EPB41L4A: variants seen among roughly 807,000 people sequenced by gnomAD.
EPB41L4A encodes the protein band 4.1-like protein 4A.
EPB41L4A carries 100 observed loss-of-function variants against 108.6 expected under a neutral mutation model. The observed-to-expected ratio is 0.92, with a 90% CI of 0.78 to 1.09. The LOEUF (loss-of-function observed/expected upper bound fraction) is 1.09. Ranked by LOEUF, EPB41L4A falls within the 50% of genes least tolerant of loss-of-function variation. The pLI, the probability that EPB41L4A is intolerant of heterozygous loss-of-function variation, is 0.00. For missense variants in EPB41L4A, 1,030 were observed against 842.7 expected, an observed-to-expected ratio of 1.22 and a Z score of -2.75; for synonymous variants, 319 against 289.0, an observed-to-expected ratio of 1.10 and a Z score of -1.05.
At chr5:112,397,090 C>T (rs565868532) in intron 1 of EPB41L4A, among the ~76,000 whole-genome samples, 1 of 152,246 alleles carries the variant, frequency 6.6e-6, no homozygotes, top group South Asian at 2.1e-4. Flanking sequence ...CCCCTTTCTA[C>T]GCTTCCCTCT....
At chr5:112,196,074 T>C (rs1203054776) in intron 15 of EPB41L4A, among the ~76,000 whole-genome samples, 1 of 152,076 alleles carries the variant, frequency 6.6e-6, no homozygotes, top group Non-Finnish European at 1.5e-5. Flanking sequence ...ATTCTCTTTA[T>C]CTCTTCTCTC....
rs1022710696 is a variant in EPB41L4A, at chr5:112,327,442, G to A, written c.100-19952C>T. 5.9e-5 allele frequency among the ~76,000 whole-genome samples: 9 copies of A among 152,176 alleles called. No individual in the cohort carries two copies. The South Asian group carries it at 1.2e-3, about 21-fold the overall frequency. On this transcript the variant is annotated intron_variant, in intron 1 of 22. Coordinates refer to ENST00000261486, the MANE Select transcript of EPB41L4A (RefSeq NM_022140.5). ...GTAAGAATTGCAACTTAGACTGGGT[G>A]CAGTGGCTCACACCTGTAATCCCAG...
At chr5:112,391,604 A>G (rs1760946642) in intron 1 of EPB41L4A, among the ~76,000 whole-genome samples, 2 of 152,228 alleles carry the variant, frequency 1.3e-5, no homozygotes, top group Admixed American at 1.3e-4. Flanking sequence ...TCTACGTCTG[A>G]TTGGTATACC....
chr5:112,330,750 T>C (rs1489300714), intron 1 of EPB41L4A, among the ~76,000 whole-genome samples: 2 of 151,526 alleles, frequency 1.3e-5, no homozygotes, highest in African/African-American at 4.8e-5. Flanking sequence ...ATCTTTGGTA[T>C]AGGTTTAAAA....
rs1048178453 is a variant in EPB41L4A at position 112,282,882 on chromosome 5, AT to A, written c.205-2560del. ...ATCATCCCAAAAGACAACCTTTGTA[AT>A]TTTTTTTCAGATTTTTTGATTCATT... On this transcript the variant is annotated intron_variant, in intron 2 of 22. Coordinates refer to ENST00000261486, the MANE Select transcript of EPB41L4A (RefSeq NM_022140.5). Among the ~76,000 whole-genome samples, 31 of 151,662 alleles carry A rather than the reference AT, an allele frequency of 2.0e-4. No homozygotes were observed. In the East Asian group the frequency reaches 2.5e-3, roughly 12 times the overall value.
At chr5:112,305,040 A>G (rs1754598286) in intron 2 of EPB41L4A, among the ~76,000 whole-genome samples, 1 of 152,140 alleles carries the variant, frequency 6.6e-6, no homozygotes, top group Non-Finnish European at 1.5e-5. Context: ...AGTTCCTTAA[A>G]GGGAAGACTG....
At chr5:112,331,222 T>C (rs1756544434) in intron 1 of EPB41L4A, among the ~76,000 whole-genome samples, 1 of 152,216 alleles carries the variant, frequency 6.6e-6, no homozygotes, top group African/African-American at 2.4e-5. Context: ...CACAGGTTTG[T>C]TGTGAAGGTC....
In EPB41L4A at chr5:112,279,889, G is replaced by A. The variant is rs573607975; in HGVS notation, c.256+383C>T. Among the ~76,000 whole-genome samples, 20 of 152,210 alleles carry A rather than the reference G, an allele frequency of 1.3e-4. No homozygotes were observed. The South Asian group carries it at 3.9e-3, about 30-fold the overall frequency. On this transcript the variant is annotated intron_variant, in intron 3 of 22. Transcript: ENST00000261486. ...ATGGCAAAACCATGCCATAACCCAA[G>A]AAACTCAAGCTCTTTAAAAGCTTGG...
At chr5:112,408,098 A>G (rs1762181536) in intron 1 of EPB41L4A, among the ~76,000 whole-genome samples, 1 of 152,236 alleles carries the variant, frequency 6.6e-6, no homozygotes. Flanking sequence ...GCCCAGAGTT[A>G]ACTCCTCACA....
intron 1 of EPB41L4A, among the ~76,000 whole-genome samples, chr5:112,322,495 A>T (rs922469768): frequency 6.6e-6 from 1 of 152,190 alleles, no homozygotes; most frequent in African/African-American, 2.4e-5. Flanking sequence ...AAAGTTCCCT[A>T]AAGTGCCCTA....
At chr5:112,192,166 A>G (rs1175294364) in intron 17 of EPB41L4A, 1 of 152,386 alleles carries the variant, frequency 6.6e-6, no homozygotes, top group Non-Finnish European at 1.5e-5. Context: ...GGTTCCGGCA[A>G]AATTTAAGAG....
Position 112,325,298 on chromosome 5 carries a change from G to A in EPB41L4A, c.100-17808C>T, listed in dbSNP as rs149104786. On this transcript the variant is annotated intron_variant, in intron 1 of 22. Coordinates refer to ENST00000261486, the MANE Select transcript of EPB41L4A (RefSeq NM_022140.5). ...CTACTAAAAATACAAAAAATTAGCCGGGCGTAGTGGCACACGCCTGTAGTC... is the reference window on the plus strand; with the variant it reads ...CTACTAAAAATACAAAAAATTAGCCAGGCGTAGTGGCACACGCCTGTAGTC... Among the ~76,000 whole-genome samples the A allele has an allele frequency of 3.7e-3, 564 of 152,196 alleles. 1 individual carries two copies. Among genetic ancestry groups the A allele is most frequent in the African/African-American group, 0.012 (503 of 41,542 alleles).
chr5:112,159,202 T>C (rs1426352638), downstream of EPB41L4A, among the ~76,000 whole-genome samples: 4 of 152,096 alleles, frequency 2.6e-5, no homozygotes, highest in African/African-American at 7.2e-5. Flanking sequence ...TGAGGTATGA[T>C]TGAGATACAA....
intron 1 of EPB41L4A, among the ~76,000 whole-genome samples, chr5:112,413,628 C>T (rs1453636832): frequency 6.6e-6 from 1 of 152,156 alleles, no homozygotes; most frequent in Non-Finnish European, 1.5e-5. Flanking sequence ...ATGTGTGAGG[C>T]ACAAATAGGC....
At chr5:112,228,654 T>C in intron 12 of EPB41L4A, 1 of 955,630 alleles carries the variant, frequency 1.0e-6, no homozygotes, top group Non-Finnish European at 1.2e-6. Flanking sequence ...AAATATTCTG[T>C]CTTCATTGCC....
intron 17 of EPB41L4A, 40 bp downstream of exon 17, chr5:112,194,528 G>A: frequency 8.0e-7 from 1 of 1,246,566 alleles, no homozygotes; most frequent in Non-Finnish European, 1.1e-6. Flanking sequence ...GGCAGCCTCT[G>A]ATTTCAGAGT....
chr5:112,201,936 T>C (rs368596967), intron 15 of EPB41L4A, among the ~76,000 whole-genome samples: 6 of 152,268 alleles, frequency 3.9e-5, no homozygotes, highest in South Asian at 2.1e-4. Flanking sequence ...AAAACTGAGA[T>C]GGTGATGGTG....
intron 2 of EPB41L4A, among the ~76,000 whole-genome samples, chr5:112,290,102 T>A (rs1161149468): frequency 6.6e-6 from 1 of 152,172 alleles, no homozygotes; most frequent in Non-Finnish European, 1.5e-5. Context: ...AAACCAGAGA[T>A]GACTGTGAAA....
intron 9 of EPB41L4A, 69 bp from the exon 10 acceptor site, chr5:112,240,879 GC>G: frequency 1.1e-6 from 1 of 913,398 alleles, no homozygotes; most frequent in South Asian, 1.6e-5. Flanking sequence ...TCAAATAACA[GC>G]CCCCTTTAAG....
Sources: gnomAD v4.1 joint callset for allele counts (sites outside exome capture counted in the v4.1 genomes callset) on GRCh38, gnomAD v4.1.1 for gene constraint, MANE v1.5 for transcripts, NCBI Gene and HGNC (gene_info 2026-07-23, HGNC 2026-07-21) for gene names.